Variants in SRSF8 observed in about 807,000 individuals in gnomAD.
SRSF8 encodes serine/arginine-rich splicing factor 8.
Under a neutral mutation model 2.0 loss-of-function variants are expected in SRSF8, and 3 were observed. That is an observed-to-expected ratio of 1.47 (90% CI 0.67 to 3.79). The LOEUF (loss-of-function observed/expected upper bound fraction) is 3.79. SRSF8 is among the 30% of genes most tolerant of loss of function. SRSF8 has a pLI of 0.02. For synonymous variants in SRSF8, 162 were observed against 170.7 expected (o/e 0.95, Z 0.40); for missense variants, 408 against 410.9 (o/e 0.99, Z 0.06).
chr11:95,068,061 C>T lies in SRSF8; in HGVS notation c.835C>T (p.Gln279Ter). ...CCCCAAGTCTCCTGAAGAGGAAGGA[C>T]AGATGTCCTCTTAAGAAAATGATGC... Reference protein sequence around the residue: ...RPPKSPEEEGQMSS With the variant: ...RPPKSPEEEG Residue 279 changes from glutamine (Q) to a stop codon, truncating the protein, a stop_gained, in exon 1 of 1, where the codon CAG becomes TAG. Transcript: ENST00000587424. LOFTEE classifies it high-confidence loss of function. 1 of 1,608,440 alleles carries T rather than the reference C, an allele frequency of 6.2e-7. No individual in the cohort carries two copies. Among genetic ancestry groups the T allele is most frequent in the Non-Finnish European group, 8.5e-7 (1 of 1,175,512 alleles).
chr11:95,067,135 C>T lies in SRSF8; in HGVS notation c.-92C>T. The T allele has an allele frequency of 1.6e-6, 2 of 1,254,600 alleles. No homozygotes were observed. Among genetic ancestry groups the T allele is most frequent in the South Asian group, 2.1e-5 (1 of 48,508 alleles). The allele number at this position is 1,254,600 out of a possible 1,614,324, so 77.7% of individuals were successfully genotyped here. On this transcript the variant is annotated 5_prime_UTR_variant, in exon 1 of 1. Coordinates refer to ENST00000587424, the MANE Select transcript of SRSF8 (RefSeq NM_032102.4). ...TCCGCCCGGCCTTTCCCGGCGTCCCCACGCGGGGCGCAACCGCGAGAAAGA... is the reference window on the plus strand; with the variant it reads ...TCCGCCCGGCCTTTCCCGGCGTCCCTACGCGGGGCGCAACCGCGAGAAAGA...
rs1217693843 is a variant in SRSF8, at chr11:95,070,855, A to G, written c.*2780A>G. The G allele has an allele frequency of 6.0e-6, 1 of 167,130 alleles. No homozygotes were observed. The highest frequency in any genetic ancestry group is 1.5e-5 in the Non-Finnish European group (1 of 68,124). 10.4% of individuals were successfully genotyped at this position (167,130 alleles called of 1,614,324 possible). A position where few individuals can be genotyped will look rare whatever the true frequency, so the allele number is the denominator to read the frequency against. Reference sequence around the variant, plus strand: ...AATTAATGAAAAAGCAGAATTAAGGATGACTTCTCACTGGCTTGAAATGCT... The same window carrying G: ...AATTAATGAAAAAGCAGAATTAAGGGTGACTTCTCACTGGCTTGAAATGCT... On this transcript the variant is annotated 3_prime_UTR_variant, in exon 1 of 1. Transcript: ENST00000587424.
Position 95,068,042 on chromosome 11 carries a change from G to A in SRSF8, c.816G>A (p.Lys272=), listed in dbSNP as rs782076564. ...GGTCGCGATCCAAGAGGCCCCCCAA[G>A]TCTCCTGAAGAGGAAGGACAGATGT... ...KSRSRSKRPP[K]SPEEEGQMSS is the part of the protein sequence containing the mutation. The change falls in exon 1 of 1, where the codon AAG becomes AAA. Residue 272 remains lysine (K), a synonymous_variant. Coordinates refer to ENST00000587424, the MANE Select transcript of SRSF8 (RefSeq NM_032102.4). 3.1e-6 allele frequency: 5 copies of A among 1,613,268 alleles called. No homozygotes were observed. The highest frequency in any genetic ancestry group is 4.2e-6 in the Non-Finnish European group (5 of 1,179,354).
At position 95,067,732 on chromosome 11, in the gene SRSF8, G is replaced by A. The variant is rs781796309; in HGVS notation, c.506G>A (p.Arg169His). 2 of 1,614,000 alleles carry A rather than the reference G, an allele frequency of 1.2e-6. No individual in the cohort carries two copies. The highest frequency in any genetic ancestry group is 2.2e-5 in the East Asian group (1 of 44,886). The change falls in exon 1 of 1, where the codon CGC (arginine) becomes CAC (histidine). Residue 169 changes from arginine to histidine, a missense_variant. Physicochemically the swap from Arg to His is conservative, Grantham distance 29 (BLOSUM62 0). This residue lies in a region of SRSF8 where 346 missense variants were observed against 316.5 expected (regional missense o/e 1.09). Transcript: ENST00000587424. Reference sequence around the variant, plus strand: ...AGCCGATCTCCTTACAGCCGGTCGCGCTACAGCCGCTCTCCCTACAGCAGA... The same window carrying A: ...AGCCGATCTCCTTACAGCCGGTCGCACTACAGCCGCTCTCCCTACAGCAGA... ...PYSRSPYSRS[R>H]YSRSPYSRSR...
Position 95,068,038 on chromosome 11 carries a change from C to T in SRSF8, c.812C>T (p.Pro271Leu), listed in dbSNP as rs201496165. 6.6e-4 allele frequency: 1,059 copies of T among 1,613,600 alleles called. 1 individual carries two copies. The highest frequency in any genetic ancestry group is 8.3e-4 in the African/African-American group (62 of 75,040). The change falls in exon 1 of 1, where the codon CCC becomes CTC. Residue 271 changes from proline to leucine, a missense_variant. Around this residue, in one of 2 missense-constraint regions of SRSF8, gnomAD observed 346 missense variants for 316.5 expected, o/e 1.09. Transcript: ENST00000587424. ...TCAAGGTCGCGATCCAAGAGGCCCC[C>T]CAAGTCTCCTGAAGAGGAAGGACAG... ...SKSRSRSKRP[P>L]KSPEEEGQMS... is the part of the protein sequence containing the mutation.
rs1555107201 is a variant in SRSF8 at position 95,067,832 on chromosome 11, A to G, written c.606A>G (p.Arg202=). 11 of 1,613,980 alleles carry G rather than the reference A, an allele frequency of 6.8e-6. No individual in the cohort carries two copies. Among genetic ancestry groups the G allele is most frequent in the Middle Eastern group, 1.6e-4 (1 of 6,062 alleles). ...SSGYSNSRYS[R]YHSSRSHSKS... ...GTTACAGTAACTCTCGCTACAGCCG[A>G]TATCACAGCAGCCGGTCTCACTCGA... The change falls in exon 1 of 1, where the codon CGA becomes CGG. Residue 202 remains arginine (R), a synonymous_variant. Transcript: ENST00000587424.
At position 95,070,724 on chromosome 11, in the gene SRSF8, T is replaced by A. The variant is rs77209573; in HGVS notation, c.*2649T>A. 2 of 167,170 alleles carry A rather than the reference T, an allele frequency of 1.2e-5. No homozygotes were observed. Among genetic ancestry groups the A allele is most frequent in the African/African-American group, 4.8e-5 (2 of 41,506 alleles). 10.4% of individuals were successfully genotyped at this position (167,170 alleles called of 1,614,324 possible). A position where few individuals can be genotyped will look rare whatever the true frequency, so the allele number is the denominator to read the frequency against. The stretch of plus-strand genomic sequence containing the variant: ...AGTAATCCAGAAAGAAAGGTGACAA[T>A]GGCTTAGACTTCAGTGGTAGTGTTG... On this transcript the variant is annotated 3_prime_UTR_variant, in exon 1 of 1. Transcript: ENST00000587424.
Position 95,067,711 on chromosome 11 carries a change from G to T in SRSF8, c.485G>T (p.Arg162Leu), listed in dbSNP as rs936130052. Residue 162 changes from arginine to leucine, a missense_variant, in exon 1 of 1, where the codon CGA (arginine) becomes CTA (leucine). Coordinates refer to ENST00000587424, the MANE Select transcript of SRSF8 (RefSeq NM_032102.4). ...CGCTATAGCCGGTCTCCCTACAGCC[G>T]ATCTCCTTACAGCCGGTCGCGCTAC... is the stretch of plus-strand genomic sequence containing the variant. ...GSRYSRSPYS[R>L]SPYSRSRYSR... 34 of 1,613,892 alleles carry T rather than the reference G, an allele frequency of 2.1e-5. No homozygotes were observed. The highest frequency in any genetic ancestry group is 2.9e-5 in the Non-Finnish European group (34 of 1,179,816).
At position 95,067,070 on chromosome 11, in the gene SRSF8, T is replaced by C. The variant is rs1858654129; in HGVS notation, c.-157T>C. Reference sequence around the variant, plus strand: ...CTGAAATTGGGAACTCGGAAGTTGCTGCTCCAGGGCGCTCCCTGCGGAGCT... The same window carrying C: ...CTGAAATTGGGAACTCGGAAGTTGCCGCTCCAGGGCGCTCCCTGCGGAGCT... On this transcript the variant is annotated 5_prime_UTR_variant, in exon 1 of 1. Coordinates refer to ENST00000587424, the MANE Select transcript of SRSF8 (RefSeq NM_032102.4). 1 of 638,300 alleles carries C rather than the reference T, an allele frequency of 1.6e-6. No individual in the cohort carries two copies. The allele number at this position is 638,300 out of a possible 1,614,324, so 39.5% of individuals were successfully genotyped here. A position where few individuals can be genotyped will look rare whatever the true frequency, so the allele number is the denominator to read the frequency against.
Position 95,067,981 on chromosome 11 carries a change from G to A in SRSF8, c.755G>A (p.Ser252Asn). Reference protein sequence around the residue: ...SRSRSSSMTRSPPRVSKRKSK... With the variant: ...SRSRSSSMTRNPPRVSKRKSK... The stretch of plus-strand genomic sequence containing the variant: ...TCCAGGTCTTCATCTATGACCAGGA[G>A]TCCTCCCCGGGTATCCAAGAGGAAA... Residue 252 changes from serine to asparagine, a missense_variant, in exon 1 of 1, where the codon AGT becomes AAT. By Grantham distance (46) the Ser-to-Asn change is conservative. Coordinates refer to ENST00000587424, the MANE Select transcript of SRSF8 (RefSeq NM_032102.4). 5.0e-6 allele frequency: 8 copies of A among 1,613,956 alleles called. No individual in the cohort carries two copies. The highest frequency in any genetic ancestry group is 6.8e-6 in the Non-Finnish European group (8 of 1,179,880).
chr11:95,067,926 T>G lies in SRSF8; in HGVS notation c.700T>G (p.Ser234Ala). 1 of 1,613,928 alleles carries G rather than the reference T, an allele frequency of 6.2e-7. No homozygotes were observed. The highest frequency in any genetic ancestry group is 1.1e-5 in the South Asian group (1 of 91,072). ...SKSSSARRSKSSSVSRSRSRS... is the reference protein window; with the variant it reads ...SKSSSARRSKASSVSRSRSRS... ...ATCGAGCTCTGCGCGACGATCCAAG[T>G]CCTCCTCGGTCTCCAGGTCTCGCTC... Residue 234 changes from serine (S) to alanine (A), a missense_variant, in exon 1 of 1, where the codon TCC becomes GCC. By Grantham distance (99) the Ser-to-Ala change is moderately conservative. Coordinates refer to ENST00000587424, the MANE Select transcript of SRSF8 (RefSeq NM_032102.4).
rs987286586 is a variant in SRSF8, at chr11:95,068,204, C to G, written c.*129C>G. 1 of 976,976 alleles carries G rather than the reference C, an allele frequency of 1.0e-6. No individual in the cohort carries two copies. Among genetic ancestry groups the G allele is most frequent in the Non-Finnish European group, 1.5e-6 (1 of 669,478 alleles). 60.5% of individuals were successfully genotyped at this position (976,976 alleles called of 1,614,324 possible). A position where few individuals can be genotyped will look rare whatever the true frequency, so the allele number is the denominator to read the frequency against. On this transcript the variant is annotated 3_prime_UTR_variant, in exon 1 of 1. Coordinates refer to ENST00000587424, the MANE Select transcript of SRSF8 (RefSeq NM_032102.4). Reference sequence around the variant, plus strand: ...AAAAGGTTGTGTCACACTTTTCTACCTTTTTGCCAGTTTGAAGCTTTGCAT... The same window carrying G: ...AAAAGGTTGTGTCACACTTTTCTACGTTTTTGCCAGTTTGAAGCTTTGCAT...
rs782429932 is a variant in SRSF8 at position 95,067,798 on chromosome 11, G to C, written c.572G>C (p.Ser191Thr). 6.2e-7 allele frequency: 1 copy of C among 1,614,042 alleles called. No homozygotes were observed. The highest frequency in any genetic ancestry group is 8.5e-7 in the Non-Finnish European group (1 of 1,179,896). The change falls in exon 1 of 1, where the codon AGC becomes ACC. Residue 191 changes from serine (S) to threonine (T), a missense_variant. Coordinates refer to ENST00000587424, the MANE Select transcript of SRSF8 (RefSeq NM_032102.4). ...TCTCGCTACGGCGGATCTCACTACAGCTCATCTGGTTACAGTAACTCTCGC... is the reference window on the plus strand; with the variant it reads ...TCTCGCTACGGCGGATCTCACTACACCTCATCTGGTTACAGTAACTCTCGC... ...RESRYGGSHY[S>T]SSGYSNSRYS...
rs1555107614 is a variant in SRSF8, at chr11:95,070,370, A to AAAAG, written c.*2298_*2299insGAAA. The AAAAG allele has an allele frequency of 6.7e-6, 1 of 149,810 alleles. No individual in the cohort carries two copies. Among genetic ancestry groups the AAAAG allele is most frequent in the Non-Finnish European group, 1.5e-5 (1 of 64,748 alleles). The allele number at this position is 149,810 out of a possible 1,614,324, so 9.3% of individuals were successfully genotyped here. A position where few individuals can be genotyped will look rare whatever the true frequency, so the allele number is the denominator to read the frequency against. On this transcript the variant is annotated 3_prime_UTR_variant, in exon 1 of 1. Transcript: ENST00000587424. The stretch of plus-strand genomic sequence containing the variant: ...GCAACAAGAGCAAAACTTCATCTCA[A>AAAAG]AAAAAAAAAAAAAAGAAAAAGGAAA...
Position 95,067,515 on chromosome 11 carries a change from C to T in SRSF8, c.289C>T (p.Leu97=). ...GGTGGCGCGCTATGGCCGCCGGGACCTGCCCCGCAGCCGCCAGGGAGAGCC... is the reference window on the plus strand; with the variant it reads ...GGTGGCGCGCTATGGCCGCCGGGACTTGCCCCGCAGCCGCCAGGGAGAGCC... ...VQVARYGRRD[L]PRSRQGEPRG... The change falls in exon 1 of 1, where the codon CTG becomes TTG. Residue 97 remains leucine, a synonymous_variant. Coordinates refer to ENST00000587424, the MANE Select transcript of SRSF8 (RefSeq NM_032102.4). The T allele has an allele frequency of 6.6e-7, 1 of 1,507,140 alleles. No homozygotes were observed. The highest frequency in any genetic ancestry group is 8.8e-7 in the Non-Finnish European group (1 of 1,131,840). The allele number at this position is 1,507,140 out of a possible 1,614,324, so 93.4% of individuals were successfully genotyped here. A position where few individuals can be genotyped will look rare whatever the true frequency, so the allele number is the denominator to read the frequency against.
chr11:95,067,274 C>T lies in SRSF8; in HGVS notation c.48C>T (p.Leu16=), dbSNP rs782681089. The part of the protein sequence containing the change: ...PPPDVDGMIT[L]KVDNLTYRTS... ...CCGACGTGGACGGCATGATCACCCT[C>T]AAGGTGGACAACCTGACCTACCGCA... The change falls in exon 1 of 1, where the codon CTC becomes CTT. Residue 16 remains leucine, a synonymous_variant. Coordinates refer to ENST00000587424, the MANE Select transcript of SRSF8 (RefSeq NM_032102.4). 7.6e-6 allele frequency: 12 copies of T among 1,585,440 alleles called. No homozygotes were observed. The highest frequency in any genetic ancestry group is 6.0e-6 in the Non-Finnish European group (7 of 1,168,066).
chr11:95,067,322 C>T lies in SRSF8; in HGVS notation c.96C>T (p.Arg32=), dbSNP rs1555106961. 7 of 1,603,812 alleles carry T rather than the reference C, an allele frequency of 4.4e-6. No individual in the cohort carries two copies. The highest frequency in any genetic ancestry group is 5.9e-6 in the Non-Finnish European group (7 of 1,176,944). Residue 32 remains arginine, a synonymous_variant, in exon 1 of 1, where the codon CGC becomes CGT. Coordinates refer to ENST00000587424, the MANE Select transcript of SRSF8 (RefSeq NM_032102.4). ...GCACCTCTCCCGACAGCTTGAGGCG[C>T]GTGTTCGAGAAGTACGGGCGCGTGG... ...TYRTSPDSLR[R]VFEKYGRVGD...
chr11:95,067,622 C>G lies in SRSF8; in HGVS notation c.396C>G (p.His132Gln). 6.3e-7 allele frequency: 1 copy of G among 1,576,566 alleles called. No individual in the cohort carries two copies. The highest frequency in any genetic ancestry group is 1.4e-5 in the African/African-American group (1 of 73,982). The change falls in exon 1 of 1, where the codon CAC (histidine) becomes CAG (glutamine). Residue 132 changes from histidine to glutamine, a missense_variant. By Grantham distance (24) the His-to-Gln change is conservative. Coordinates refer to ENST00000587424, the MANE Select transcript of SRSF8 (RefSeq NM_032102.4). Reference protein sequence around the residue: ...GRRSRSPRRRHRSRSRGPSCS... With the variant: ...GRRSRSPRRRQRSRSRGPSCS... ...GGAGCCGCAGCCCCAGGCGGCGACACCGCAGCCGATCCCGGGGTCCCAGCT... is the reference window on the plus strand; with the variant it reads ...GGAGCCGCAGCCCCAGGCGGCGACAGCGCAGCCGATCCCGGGGTCCCAGCT...
In SRSF8 at chr11:95,070,014, A is replaced by G. The variant is rs1420003444; in HGVS notation, c.*1939A>G. On this transcript the variant is annotated 3_prime_UTR_variant, in exon 1 of 1. Coordinates refer to ENST00000587424, the MANE Select transcript of SRSF8 (RefSeq NM_032102.4). ...AGCTTTGAAGCAAAAATATCTGTAGAACATCTTAAACGTGACCAAAATATG... is the reference window on the plus strand; with the variant it reads ...AGCTTTGAAGCAAAAATATCTGTAGGACATCTTAAACGTGACCAAAATATG... 2 of 167,052 alleles carry G rather than the reference A, an allele frequency of 1.2e-5. No homozygotes were observed. Among genetic ancestry groups the G allele is most frequent in the African/African-American group, 4.8e-5 (2 of 41,432 alleles). 10.3% of individuals were successfully genotyped at this position (167,052 alleles called of 1,614,324 possible).
Sources: allele counts gnomAD v4.1 joint callset, GRCh38; gene constraint gnomAD v4.1.1; regional missense constraint gnomAD v4.1.1; transcripts MANE v1.5; gene names NCBI Gene and HGNC (gene_info 2026-07-23, HGNC 2026-07-21).